The following PNOC variants were observed in gnomAD, a reference collection of about 807,000 sequenced individuals.
PNOC encodes the protein nociceptin.
Under a neutral mutation model 15.6 loss-of-function variants are expected in PNOC, and 10 were observed. The observed-to-expected ratio is 0.64, with a 90% CI of 0.40 to 1.09. PNOC has a LOEUF of 1.09. PNOC is among the 50% of genes least tolerant of loss of function. PNOC has a pLI of 0.01. For missense variants in PNOC, 220 were observed against 223.9 expected, an observed-to-expected ratio of 0.98 and a Z score of 0.11; for synonymous variants, 98 against 88.5, an observed-to-expected ratio of 1.11 and a Z score of -0.60.
chr8:28,334,049 AAC>A (rs71678743), intron 2 of PNOC, among the ~76,000 whole-genome samples: 3,360 of 146,708 alleles, frequency 0.023, 93 homozygotes, highest in East Asian at 0.14. Flanking sequence ...AGGTGCCAGT[AAC>A]ACACACACAC....
chr8:28,323,045 T>C (rs1026537868), intron 1 of PNOC, among the ~76,000 whole-genome samples: 16 of 152,366 alleles, frequency 1.1e-4, no homozygotes, highest in African/African-American at 2.6e-4. Context: ...GCTGGCAGCA[T>C]CAAAATTACA....
intron 3 of PNOC, among the ~76,000 whole-genome samples, chr8:28,341,292 A>G (rs549059613): frequency 6.6e-6 from 1 of 152,336 alleles, no homozygotes; most frequent in South Asian, 2.1e-4. Context: ...TGATGTGTTT[A>G]TTTTAGCAGG....
intron 1 of PNOC, among the ~76,000 whole-genome samples, chr8:28,326,500 A>G (rs535550518): frequency 9.2e-5 from 14 of 152,302 alleles, no homozygotes; most frequent in African/African-American, 3.4e-4. Context: ...CGTCCTTCTC[A>G]TACCAGCACT....
At chr8:28,340,643 A>T (rs1398395380) in intron 3 of PNOC, among the ~76,000 whole-genome samples, 1 of 152,220 alleles carries the variant, frequency 6.6e-6, no homozygotes, top group Non-Finnish European at 1.5e-5. Flanking sequence ...TGGGTACTTC[A>T]TAAACAAAGT....
At position 28,342,938 on chromosome 8, in the gene PNOC, C is replaced by T. The variant is rs1801549570; in HGVS notation, c.*48-4C>T. The T allele has an allele frequency of 1.2e-5, 12 of 983,402 alleles. No homozygotes were observed. In the South Asian group the frequency reaches 5.2e-4, roughly 42 times the overall value. The allele number at this position is 983,402 out of a possible 1,614,324, so 60.9% of individuals were successfully genotyped here. A position where few individuals can be genotyped will look rare whatever the true frequency, so the allele number is the denominator to read the frequency against. ...CCATTTTTTAACCATTTCTGTCTCC[C>T]CAGGCGTCCAGGTGATCCCCCAAAC... On this transcript the variant is annotated splice_region_variant and splice_polypyrimidine_tract_variant and intron_variant, in intron 3 of 3. Transcript: ENST00000301908.
At chr8:28,320,331 A>G (rs1329277708) in intron 1 of PNOC, among the ~76,000 whole-genome samples, 1 of 151,488 alleles carries the variant, frequency 6.6e-6, no homozygotes, top group African/African-American at 2.4e-5. Flanking sequence ...TCATTCGGCC[A>G]AGGAACGTGT....
intron 1 of PNOC, among the ~76,000 whole-genome samples, chr8:28,324,225 C>T (rs968002401): frequency 6.6e-6 from 1 of 152,168 alleles, no homozygotes; most frequent in African/African-American, 2.4e-5. Flanking sequence ...GCTCATCTTC[C>T]TTTTATACCT....
intron 1 of PNOC, among the ~76,000 whole-genome samples, chr8:28,327,357 C>T (rs1425437691): frequency 6.6e-6 from 1 of 152,212 alleles, no homozygotes; most frequent in Non-Finnish European, 1.5e-5. Flanking sequence ...AACCACTGAT[C>T]TAATCAACCA....
intron 2 of PNOC, among the ~76,000 whole-genome samples, chr8:28,336,270 C>T (rs898439510): frequency 1.6e-4 from 25 of 152,218 alleles, no homozygotes; most frequent in Non-Finnish European, 1.5e-5. Flanking sequence ...CCTAACTTGT[C>T]ATATTCCGCC....
intron 1 of PNOC, among the ~76,000 whole-genome samples, chr8:28,321,502 C>T (rs1190833110): frequency 6.6e-6 from 1 of 152,082 alleles, no homozygotes; most frequent in Non-Finnish European, 1.5e-5. Flanking sequence ...CCTCATGCTG[C>T]CCGGAAGCTA....
intron 1 of PNOC, among the ~76,000 whole-genome samples, 174 bp from the exon 2 acceptor site, chr8:28,328,961 T>C (rs1563328002): frequency 1.3e-5 from 2 of 152,030 alleles, no homozygotes; most frequent in Non-Finnish European, 2.9e-5. Context: ...ATAGGCAGGG[T>C]CGCCTATGGC....
At chr8:28,340,372 T>A (rs572783348) in intron 3 of PNOC, among the ~76,000 whole-genome samples, 8 of 152,192 alleles carry the variant, frequency 5.3e-5, no homozygotes, top group Non-Finnish European at 1.2e-4. Flanking sequence ...ATAATATACA[T>A]CAAATACCCT....
intron 3 of PNOC, among the ~76,000 whole-genome samples, chr8:28,342,060 C>G (rs1801528641): frequency 6.6e-6 from 1 of 152,118 alleles, no homozygotes; most frequent in African/African-American, 2.4e-5. Flanking sequence ...GAACCCTATT[C>G]AGGGCCGGGC....
intron 1 of PNOC, among the ~76,000 whole-genome samples, chr8:28,321,490 T>G (rs1369684713): frequency 1.3e-5 from 2 of 152,060 alleles, no homozygotes; most frequent in African/African-American, 2.4e-5. Flanking sequence ...TTCTATGGCT[T>G]TCCTCATGCT....
chr8:28,330,778 A>G (rs984051474), intron 2 of PNOC, among the ~76,000 whole-genome samples: 2 of 151,980 alleles, frequency 1.3e-5, no homozygotes, highest in Admixed American at 1.3e-4. Context: ...TATATTTTAA[A>G]TTTCCAACTT....
chr8:28,319,249 G>A (rs541070788), intron 1 of PNOC, among the ~76,000 whole-genome samples: 2 of 152,124 alleles, frequency 1.3e-5, no homozygotes, highest in South Asian at 2.1e-4. Context: ...TCATCTCCCC[G>A]TTACGGTCAG....
chr8:28,320,068 G>A (rs369498708), intron 1 of PNOC, among the ~76,000 whole-genome samples: 4 of 30,518 alleles, frequency 1.3e-4, no homozygotes, highest in Non-Finnish European at 2.6e-4. Flanking sequence ...GGTTTTTTTT[G>A]TTTGTTTCTT....
chr8:28,320,092 C>CTTTTTTTTTTTTTTTTTTTTTTT (rs34876964), intron 1 of PNOC, among the ~76,000 whole-genome samples: 1 of 29,728 alleles, frequency 3.4e-5, no homozygotes, highest in Non-Finnish European at 5.9e-5. Context: ...TTCTTTCTTT[C>CTTTTTTTTTTTTTTTTTTTTTTT]TTTTTTTTTT....
intron 2 of PNOC, among the ~76,000 whole-genome samples, chr8:28,330,406 T>TTTTTTTTTTTTTTTTTTTA (rs1801310589): frequency 3.1e-5 from 3 of 98,206 alleles, no homozygotes; most frequent in Admixed American, 9.1e-5. Context: ...ATTTTTTTTT[T>TTTTTTTTTTTTTTTTTTTA]TTTTTTGAGA....
Sources: allele counts gnomAD v4.1 joint callset (sites outside exome capture counted in the v4.1 genomes callset), GRCh38; gene constraint gnomAD v4.1.1; transcripts MANE v1.5; gene names NCBI Gene and HGNC (gene_info 2026-07-23, HGNC 2026-07-21).